The following CEP128 variants were observed in gnomAD, a reference collection of about 807,000 sequenced individuals.
CEP128 encodes the protein centrosomal protein 128kDa.
A neutral mutation model predicts 156.7 loss-of-function variants in CEP128; 132 were observed. The observed-to-expected ratio is 0.84, with a 90% CI of 0.73 to 0.97. The LOEUF is 0.97. Among genes scored for constraint, CEP128 ranks in the 50% least tolerant of loss-of-function variants. The pLI, the probability that CEP128 is intolerant of heterozygous loss-of-function variation, is 0.00. For synonymous variants in CEP128, 469 were observed against 448.9 expected (o/e 1.04, Z -0.57); for missense variants, 1,252 against 1,281.9 (o/e 0.98, Z 0.36).
intron 19 of CEP128, among the ~76,000 whole-genome samples, chr14:80,692,062 T>G (rs964392950): frequency 4.6e-5 from 7 of 152,190 alleles, no homozygotes; most frequent in African/African-American, 1.7e-4. Flanking sequence ...AGATGGATTT[T>G]GGGGCAGAAG....
chr14:80,903,063 G>T (rs1011656208), intron 6 of CEP128, among the ~76,000 whole-genome samples: 1 of 151,878 alleles, frequency 6.6e-6, no homozygotes, highest in East Asian at 1.9e-4. Context: ...ACAATCCTGA[G>T]CTAAAAAGAA....
At chr14:80,861,858 T>TTA (rs1353779761) in intron 9 of CEP128, among the ~76,000 whole-genome samples, 1 of 152,182 alleles carries the variant, frequency 6.6e-6, no homozygotes. Context: ...GAAAAATGAT[T>TTA]TATTTTTTAA....
chr14:80,899,012 A>G (rs1203234619), intron 7 of CEP128, among the ~76,000 whole-genome samples: 1 of 152,166 alleles, frequency 6.6e-6, no homozygotes, highest in East Asian at 1.9e-4. Flanking sequence ...TTCCTCATCC[A>G]TAAAATAGAG....
At chr14:80,703,600 A>G (rs1003732720) in intron 19 of CEP128, among the ~76,000 whole-genome samples, 2 of 152,094 alleles carry the variant, frequency 1.3e-5, no homozygotes, top group African/African-American at 2.4e-5. Context: ...ATTAAAACCA[A>G]TGTCACTTTT....
chr14:80,753,940 T>G (rs1260099155), intron 18 of CEP128, among the ~76,000 whole-genome samples: 1 of 152,210 alleles, frequency 6.6e-6, no homozygotes, highest in Non-Finnish European at 1.5e-5. Flanking sequence ...TTGAACAATT[T>G]TCTTAATTCA....
intron 8 of CEP128, among the ~76,000 whole-genome samples, chr14:80,880,865 A>AAATAAT (rs375304920): frequency 0.027 from 3,362 of 124,916 alleles, 56 homozygotes; most frequent in Non-Finnish European, 0.032. Flanking sequence ...TCCATCTCAA[A>AAATAAT]AATAATAATA....
intron 8 of CEP128, among the ~76,000 whole-genome samples, chr14:80,874,979 C>G (rs973784364): frequency 1.3e-5 from 2 of 152,172 alleles, no homozygotes; most frequent in Non-Finnish European, 2.9e-5. Flanking sequence ...ATAAGAATAA[C>G]ATGCAGAAGA....
intron 19 of CEP128, among the ~76,000 whole-genome samples, chr14:80,642,627 A>G (rs1434051933): frequency 2.0e-5 from 3 of 152,148 alleles, no homozygotes; most frequent in Non-Finnish European, 4.4e-5. Flanking sequence ...AGGTTGCAGT[A>G]AGCCTGGGCA....
intron 19 of CEP128, among the ~76,000 whole-genome samples, chr14:80,606,100 T>C (rs1010092759): frequency 6.6e-6 from 1 of 152,104 alleles, no homozygotes; most frequent in Non-Finnish European, 1.5e-5. Context: ...TTGCTTCTTT[T>C]AATTAGTAGC....
chr14:80,888,582 G>C (rs187048914), intron 8 of CEP128, among the ~76,000 whole-genome samples: 38 of 152,122 alleles, frequency 2.5e-4, no homozygotes, highest in African/African-American at 7.5e-4. Flanking sequence ...ATTCAACAGC[G>C]CTTCATGCTA....
downstream of CEP128, among the ~76,000 whole-genome samples, chr14:80,487,280 A>G (rs1343305841): frequency 7.2e-5 from 11 of 152,188 alleles, no homozygotes; most frequent in East Asian, 1.5e-3. Flanking sequence ...AGACAAAGAA[A>G]GCCATTACAT....
At chr14:80,835,929 G>A (rs1477989440) in intron 12 of CEP128, among the ~76,000 whole-genome samples, 1 of 152,188 alleles carries the variant, frequency 6.6e-6, no homozygotes, top group Non-Finnish European at 1.5e-5. Context: ...ATCGGAGGCT[G>A]GAAAAACTAC....
intron 23 of CEP128, among the ~76,000 whole-genome samples, chr14:80,521,056 T>C (rs1888725032): frequency 6.8e-6 from 1 of 147,562 alleles, no homozygotes; most frequent in African/African-American, 2.5e-5. Context: ...TTAGCCAGGA[T>C]GGTCTCGATC....
At chr14:80,729,633 G>T (rs1284844966) in intron 19 of CEP128, among the ~76,000 whole-genome samples, 1 of 152,018 alleles carries the variant, frequency 6.6e-6, no homozygotes, top group African/African-American at 2.4e-5. Flanking sequence ...GGTTGTACTA[G>T]TTTACATTCC....
chr14:80,533,552 A>C (rs913077308), intron 21 of CEP128, among the ~76,000 whole-genome samples: 6 of 152,142 alleles, frequency 3.9e-5, no homozygotes, highest in African/African-American at 1.2e-4. Context: ...ATTTTTGACA[A>C]TTATATGATG....
chr14:80,547,385 A>G (rs1447382105), intron 21 of CEP128, among the ~76,000 whole-genome samples: 3 of 152,226 alleles, frequency 2.0e-5, no homozygotes, highest in African/African-American at 7.2e-5. Context: ...CTTTACGCAT[A>G]TCTTCATTAC....
At chr14:80,582,187 T>C (rs893997555) in intron 19 of CEP128, among the ~76,000 whole-genome samples, 1 of 152,148 alleles carries the variant, frequency 6.6e-6, no homozygotes, top group African/African-American at 2.4e-5. Flanking sequence ...TGACTACAGA[T>C]GACTGAGATG....
chr14:80,775,354 T>C (rs902169402), intron 16 of CEP128, among the ~76,000 whole-genome samples: 10 of 152,218 alleles, frequency 6.6e-5, no homozygotes, highest in Non-Finnish European at 2.9e-5. Flanking sequence ...TTTTGATTCA[T>C]AGCTAACTAT....
intron 8 of CEP128, among the ~76,000 whole-genome samples, chr14:80,887,739 G>T (rs1027814349): frequency 6.6e-6 from 1 of 151,910 alleles, no homozygotes; most frequent in Non-Finnish European, 1.5e-5. Flanking sequence ...AAGGGCAAAA[G>T]AATTCAAAAG....
Sources: gnomAD v4.1 joint callset for allele counts (sites outside exome capture counted in the v4.1 genomes callset) on GRCh38, gnomAD v4.1.1 for gene constraint, MANE v1.5 for transcripts, NCBI Gene and HGNC (gene_info 2026-07-23, HGNC 2026-07-21) for gene names.